NTM: variants seen among roughly 807,000 people sequenced by gnomAD.
NTM encodes neurotrimin, also known as IgLON family member 2.
A neutral mutation model predicts 42.1 loss-of-function variants in NTM; 13 were observed. That is an observed-to-expected ratio of 0.31 (90% CI 0.20 to 0.49). The LOEUF (loss-of-function observed/expected upper bound fraction) is 0.49. Among genes scored for constraint, NTM ranks in the 20% least tolerant of loss-of-function variants. NTM has a pLI of 0.99. For missense variants in NTM, 373 were observed against 452.8 expected, an observed-to-expected ratio of 0.82 and a Z score of 1.60; for synonymous variants, 187 against 179.2, an observed-to-expected ratio of 1.04 and a Z score of -0.35.
chr11:131,655,920 C>T (rs916639115), intron 1 of NTM, among the ~76,000 whole-genome samples: 3 of 152,210 alleles, frequency 2.0e-5, no homozygotes, highest in Non-Finnish European at 4.4e-5. Context: ...TGGGCACCTG[C>T]CCTATCCCAC....
In NTM at chr11:131,712,285, T is replaced by G. The variant is rs574136369; in HGVS notation, c.83-199279T>G. On this transcript the variant is annotated intron_variant, in intron 1 of 8. Coordinates refer to ENST00000683400, the MANE Select transcript of NTM (RefSeq NM_001352005.2). ...CATAACCTTTGTTGTCTTTTCTCTTTACAATGCTTGTACCCTCAAGAACAG... is the reference window on the plus strand; with the variant it reads ...CATAACCTTTGTTGTCTTTTCTCTTGACAATGCTTGTACCCTCAAGAACAG... 1.8e-3 allele frequency among the ~76,000 whole-genome samples: 267 copies of G among 152,092 alleles called. No individual in the cohort carries two copies. In the Middle Eastern group the frequency reaches 0.021, roughly 12 times the overall value.
intron 6 of NTM, 167 bp from the exon 7 acceptor site, chr11:132,314,385 C>G (rs895925): frequency 0.46 from 137,425 of 301,402 alleles, 33,569 homozygotes; most frequent in Non-Finnish European, 0.51. Context: ...CACTCACTGT[C>G]TGTGAACTAC....
intron 3 of NTM, among the ~76,000 whole-genome samples, chr11:132,209,557 T>C (rs925235356): frequency 3.3e-5 from 5 of 152,222 alleles, no homozygotes; most frequent in Admixed American, 1.3e-4. Flanking sequence ...TAAATGAGGA[T>C]CTTTTCAAAT....
chr11:131,998,574 C>A (rs1007986307), intron 2 of NTM, among the ~76,000 whole-genome samples: 1 of 152,130 alleles, frequency 6.6e-6, no homozygotes, highest in African/African-American at 2.4e-5. Context: ...AAAACCTGAT[C>A]TTTAAAACCA....
chr11:132,325,935 C>CCAT (rs1184139565), intron 7 of NTM, among the ~76,000 whole-genome samples: 1 of 150,944 alleles, frequency 6.6e-6, no homozygotes, highest in Non-Finnish European at 1.5e-5. Context: ...CCAAACACCG[C>CCAT]GTGTTCTCAC....
At chr11:132,232,461 G>A (rs2087809940) in intron 4 of NTM, among the ~76,000 whole-genome samples, 1 of 152,190 alleles carries the variant, frequency 6.6e-6, no homozygotes, top group South Asian at 2.1e-4. Context: ...CTTGGGTGAG[G>A]AAAGCTTTTA....
rs756876047 is a variant in NTM, at chr11:132,146,462, G to T, written c.348G>T (p.Ser116=). Residue 116 remains serine (S), a synonymous_variant, in exon 3 of 9, where the codon TCG becomes TCT. Coordinates refer to ENST00000683400, the MANE Select transcript of NTM (RefSeq NM_001352005.2). The surrounding 1 kb of genome is among the most constrained non-coding windows in gnomAD (Gnocchi z 4.5). The stretch of plus-strand genomic sequence containing the variant: ...ATGACGAGGGCCCTTACACCTGCTC[G>T]GTGCAGACAGACAACCACCCAAAGA... ...DVYDEGPYTC[S]VQTDNHPKTS... The T allele has an allele frequency of 2.5e-6, 4 of 1,614,162 alleles. No homozygotes were observed. Among genetic ancestry groups the T allele is most frequent in the Non-Finnish European group, 2.5e-6 (3 of 1,180,030 alleles).
intron 1 of NTM, among the ~76,000 whole-genome samples, chr11:131,564,812 A>G (rs2056677822): frequency 6.6e-6 from 1 of 152,132 alleles, no homozygotes; most frequent in South Asian, 2.1e-4. Flanking sequence ...CTGCAAGAAT[A>G]TTCTTACAAC....
intron 1 of NTM, among the ~76,000 whole-genome samples, chr11:131,863,503 C>A (rs1252633410): frequency 6.6e-6 from 1 of 152,198 alleles, no homozygotes; most frequent in African/African-American, 2.4e-5. Flanking sequence ...AGCCACTCCT[C>A]AGCATCACTG....
chr11:132,004,165 G>C (rs527641761), intron 2 of NTM, among the ~76,000 whole-genome samples: 2 of 152,274 alleles, frequency 1.3e-5, no homozygotes, highest in South Asian at 2.1e-4. Context: ...GGGGGGCATT[G>C]GGAGAGTAAA....
intron 1 of NTM, among the ~76,000 whole-genome samples, chr11:131,850,742 G>C (rs767268407): frequency 3.9e-5 from 6 of 152,172 alleles, no homozygotes; most frequent in African/African-American, 1.4e-4. Flanking sequence ...ATCGGATTTG[G>C]CTGCGATTGT....
At chr11:131,665,296 A>T (rs574726620) in intron 1 of NTM, among the ~76,000 whole-genome samples, 5 of 152,308 alleles carry the variant, frequency 3.3e-5, no homozygotes, top group Non-Finnish European at 7.3e-5. Context: ...GATTGCATTG[A>T]TGTGGAAAGC....
rs1565465308 is a variant in NTM, at chr11:131,401,820, A to ATATATATATGTG, written c.82+30941_82+30942insGTGTATATATAT. 3.4e-3 allele frequency among the ~76,000 whole-genome samples: 169 copies of ATATATATATGTG among 49,910 alleles called. 6 individuals carry two copies. Among genetic ancestry groups the ATATATATATGTG allele is most frequent in the Non-Finnish European group, 4.8e-3 (120 of 25,216 alleles). The allele number at this position is 49,910 out of a possible 152,430, so 32.7% of individuals were successfully genotyped here. On this transcript the variant is annotated intron_variant, in intron 1 of 8. Coordinates refer to ENST00000683400, the MANE Select transcript of NTM (RefSeq NM_001352005.2). ...TGGAAATATATATATATATATATAT[A>ATATATATATGTG]TATATATATATATATATATATATAT...
At position 132,002,184 on chromosome 11, in the gene NTM, AT is replaced by A. The variant is rs2069439992; in HGVS notation, c.167+90538del. On this transcript the variant is annotated intron_variant, in intron 2 of 8. Coordinates refer to ENST00000683400, the MANE Select transcript of NTM (RefSeq NM_001352005.2). The surrounding 1 kb of genome is among the most constrained non-coding windows in gnomAD (Gnocchi z 4.5). ...GATTAAAGGTATTGGACTTTTCTCC[AT>A]TGGCAACAGAGAGTCACTGAAGGTT... Among the ~76,000 whole-genome samples the A allele has an allele frequency of 6.6e-6, 1 of 152,210 alleles. No homozygotes were observed. Among genetic ancestry groups the A allele is most frequent in the South Asian group, 2.1e-4 (1 of 4,826 alleles).
intron 1 of NTM, chr11:131,671,322 A>T: frequency 3.2e-6 from 2 of 625,922 alleles, no homozygotes; most frequent in Non-Finnish European, 4.0e-6. Flanking sequence ...GTCTATACTC[A>T]TCCTCCCCGC....
chr11:131,580,963 G>C (rs1467270873), intron 1 of NTM, among the ~76,000 whole-genome samples: 1 of 152,136 alleles, frequency 6.6e-6, no homozygotes, highest in African/African-American at 2.4e-5. Flanking sequence ...AGCTATGCTT[G>C]GTCAGTAGAC....
At chr11:131,446,760 A>G (rs759280502) in intron 1 of NTM, among the ~76,000 whole-genome samples, 28 of 152,238 alleles carry the variant, frequency 1.8e-4, no homozygotes, top group Non-Finnish European at 5.9e-5. Context: ...CATGTGATTC[A>G]TGAGGGTTAA....
intron 1 of NTM, among the ~76,000 whole-genome samples, chr11:131,631,520 A>G (rs1346470658): frequency 1.3e-5 from 2 of 152,220 alleles, no homozygotes; most frequent in African/African-American, 4.8e-5. Flanking sequence ...TTTTAAAACT[A>G]CGTTTTCAAT....
At chr11:132,313,810 C>CAGACCAATGCAAG (rs2095348659) in intron 6 of NTM, among the ~76,000 whole-genome samples, 1 of 152,102 alleles carries the variant, frequency 6.6e-6, no homozygotes, top group Non-Finnish European at 1.5e-5. Flanking sequence ...TAGTGGCCCC[C>CAGACCAATGCAAG]AGACCAATGC....
Sources: gnomAD v4.1 joint callset for allele counts (sites outside exome capture counted in the v4.1 genomes callset) on GRCh38, gnomAD v4.1.1 for gene constraint, Gnocchi (gnomAD v3.1) non-coding constraint, MANE v1.5 for transcripts, NCBI Gene and HGNC (gene_info 2026-07-23, HGNC 2026-07-21) for gene names.